The following CACNA2D1 variants were observed in gnomAD, a reference collection of about 807,000 sequenced individuals.
The protein encoded by CACNA2D1 is voltage-dependent calcium channel subunit alpha-2/delta-1.
A neutral mutation model predicts 171.5 loss-of-function variants in CACNA2D1; 53 were observed. The ratio of observed to expected loss-of-function variants is 0.31; its 90% CI spans 0.25 to 0.39. The LOEUF (loss-of-function observed/expected upper bound fraction) is 0.39. Ranked by LOEUF, CACNA2D1 falls within the 10% of genes least tolerant of loss-of-function variation. The pLI, the probability that CACNA2D1 is intolerant of heterozygous loss-of-function variation, is 1.00. For missense variants in CACNA2D1, 903 were observed against 1,299.8 expected (o/e 0.69, Z 4.69); for synonymous variants, 442 against 443.1 (o/e 1.00, Z 0.03).
chr7:82,081,540 GTAA>G (rs1809773302), intron 7 of CACNA2D1, among the ~76,000 whole-genome samples: 1 of 152,162 alleles, frequency 6.6e-6, no homozygotes, highest in Non-Finnish European at 1.5e-5. Context: ...TGACCTTCCT[GTAA>G]CAGGTAAATG....
intron 7 of CACNA2D1, among the ~76,000 whole-genome samples, chr7:82,079,058 A>G (rs1480430449): frequency 6.6e-6 from 1 of 152,166 alleles, no homozygotes; most frequent in Non-Finnish European, 1.5e-5. Context: ...TAATTACGGA[A>G]CTACTGTTTT....
At chr7:82,104,314 A>C (rs1300411469) in intron 6 of CACNA2D1, among the ~76,000 whole-genome samples, 1 of 152,046 alleles carries the variant, frequency 6.6e-6, no homozygotes, top group African/African-American at 2.4e-5. Context: ...GACTAAACAA[A>C]ATGATTTATA....
intron 1 of CACNA2D1, among the ~76,000 whole-genome samples, chr7:82,397,302 T>C (rs764722434): frequency 1.7e-4 from 26 of 152,302 alleles, no homozygotes; most frequent in Non-Finnish European, 3.2e-4. Context: ...AATAAAAAAA[T>C]TGAATATTCT....
chr7:82,126,027 T>C (rs1470014201), intron 5 of CACNA2D1, among the ~76,000 whole-genome samples: 3 of 152,246 alleles, frequency 2.0e-5, no homozygotes, highest in East Asian at 3.8e-4. Context: ...TTAACATTTC[T>C]AGACTGCCCT....
intron 1 of CACNA2D1, among the ~76,000 whole-genome samples, chr7:82,354,992 T>A (rs1326756436): frequency 6.6e-6 from 1 of 152,156 alleles, no homozygotes; most frequent in Non-Finnish European, 1.5e-5. Flanking sequence ...GAACCAAGAA[T>A]TTTATCATAA....
chr7:82,236,296 G>C (rs1369539290), intron 3 of CACNA2D1, among the ~76,000 whole-genome samples: 1 of 151,998 alleles, frequency 6.6e-6, no homozygotes, highest in African/African-American at 2.4e-5. Flanking sequence ...CTGTTTTAGG[G>C]TGGCATAGGC....
In CACNA2D1 at chr7:82,283,327, T is replaced by C. The variant is rs974491893; in HGVS notation, c.294+51808A>G. ...CTAACATTAGAAGAAGACAACTCAA[T>C]GCTTATTATATGCAAGGCTGGGCAG... On this transcript the variant is annotated intron_variant, in intron 3 of 38. Coordinates refer to ENST00000356860, the MANE Select transcript of CACNA2D1 (RefSeq NM_000722.4). Among the ~76,000 whole-genome samples the C allele has an allele frequency of 4.6e-5, 7 of 152,346 alleles. No individual in the cohort carries two copies. The South Asian group carries it at 1.4e-3, about 32-fold the overall frequency.
At chr7:82,259,081 C>A (rs1806729959) in intron 3 of CACNA2D1, among the ~76,000 whole-genome samples, 1 of 152,062 alleles carries the variant, frequency 6.6e-6, no homozygotes, top group Admixed American at 6.6e-5. Flanking sequence ...CACCAAATGG[C>A]CTCCCAAAGT....
intron 6 of CACNA2D1, among the ~76,000 whole-genome samples, chr7:82,087,661 C>G (rs1279622047): frequency 6.6e-6 from 1 of 151,686 alleles, no homozygotes; most frequent in Non-Finnish European, 1.5e-5. Context: ...CTATATTTTT[C>G]TGATCCACAT....
intron 2 of CACNA2D1, chr7:82,343,322 C>T (rs145967297): frequency 2.4e-4 from 37 of 152,244 alleles, no homozygotes; most frequent in African/African-American, 7.7e-4. Flanking sequence ...CTCGCCCTAG[C>T]TCCTATTAAC....
chr7:82,243,087 T>C (rs1383681764), intron 3 of CACNA2D1, among the ~76,000 whole-genome samples: 1 of 152,176 alleles, frequency 6.6e-6, no homozygotes, highest in African/African-American at 2.4e-5. Context: ...GCATTCCAAA[T>C]ATCTGTTTAA....
At chr7:82,238,398 G>T (rs141273759) in intron 3 of CACNA2D1, among the ~76,000 whole-genome samples, 1 of 151,702 alleles carries the variant, frequency 6.6e-6, no homozygotes, top group African/African-American at 2.4e-5. Flanking sequence ...ATTAAAAATG[G>T]TCCTATTAAA....
intron 5 of CACNA2D1, among the ~76,000 whole-genome samples, chr7:82,118,891 A>G (rs1789390640): frequency 1.3e-5 from 2 of 152,120 alleles, no homozygotes; most frequent in Non-Finnish European, 2.9e-5. Flanking sequence ...TATATAAATT[A>G]AAATAACTTC....
At chr7:82,345,746 A>G (rs2129445429) in intron 2 of CACNA2D1, among the ~76,000 whole-genome samples, 1 of 150,612 alleles carries the variant, frequency 6.6e-6, no homozygotes, top group South Asian at 2.1e-4. Context: ...ATATTCTATA[A>G]TTCAGATTAT....
At chr7:82,035,498 A>G (rs1803193722) in intron 11 of CACNA2D1, among the ~76,000 whole-genome samples, 1 of 152,188 alleles carries the variant, frequency 6.6e-6, no homozygotes, top group Admixed American at 6.6e-5. Context: ...TTAGGGAACA[A>G]CTGGGACCAT....
At chr7:81,997,322 G>T in intron 18 of CACNA2D1, 72 bp from the exon 19 acceptor site, 2 of 995,644 alleles carry the variant, frequency 2.0e-6, no homozygotes, top group South Asian at 2.6e-5. Context: ...ACAATTTAAC[G>T]GGTATTTATG....
At chr7:82,082,042 T>C (rs1809846341) in intron 7 of CACNA2D1, among the ~76,000 whole-genome samples, 1 of 152,164 alleles carries the variant, frequency 6.6e-6, no homozygotes, top group Non-Finnish European at 1.5e-5. Flanking sequence ...CTGAAGCATG[T>C]GTTACAGCAT....
At chr7:81,951,969 G>GTTTTTTTT (rs774805421) in intron 38 of CACNA2D1, among the ~76,000 whole-genome samples, 114 of 71,820 alleles carry the variant, frequency 1.6e-3, no homozygotes, top group East Asian at 3.9e-3. Flanking sequence ...TGTACAAAGT[G>GTTTTTTTT]TTTTTTTTTT....
At chr7:82,324,403 A>C (rs1816380530) in intron 3 of CACNA2D1, among the ~76,000 whole-genome samples, 1 of 151,398 alleles carries the variant, frequency 6.6e-6, no homozygotes, top group African/African-American at 2.4e-5. Flanking sequence ...AAAAAAAAAA[A>C]ACTTCACTGC....
Sources: gnomAD v4.1 joint callset for allele counts (sites outside exome capture counted in the v4.1 genomes callset) on GRCh38, gnomAD v4.1.1 for gene constraint, MANE v1.5 for transcripts, NCBI Gene and HGNC (gene_info 2026-07-23, HGNC 2026-07-21) for gene names.